ITGAD: variants seen among roughly 807,000 people sequenced by gnomAD.
The protein encoded by ITGAD is integrin subunit alpha D, also known as integrin alpha-D.
Under a neutral mutation model 139.0 loss-of-function variants are expected in ITGAD, and 105 were observed. The ratio of observed to expected loss-of-function variants is 0.76; its 90% CI spans 0.65 to 0.89. The LOEUF is 0.89. ITGAD is among the 40% of genes least tolerant of loss of function. The pLI is 0.00. For missense variants in ITGAD, 1,384 were observed against 1,487.3 expected (o/e 0.93, Z 1.14); for synonymous variants, 569 against 598.3 (o/e 0.95, Z 0.71).
At chr16:31,414,813 G>A (rs1288181373) in intron 17 of ITGAD, 47 bp from the exon 18 acceptor site, 2 of 1,601,616 alleles carry the variant, frequency 1.2e-6, no homozygotes, top group South Asian at 2.2e-5. Context: ...GACTTGTGGT[G>A]GAGCGTAGAG....
intron 11 of ITGAD, 85 bp from the exon 12 acceptor site, chr16:31,410,651 A>T (rs2081669078): frequency 2.7e-6 from 2 of 742,380 alleles, no homozygotes; most frequent in East Asian, 8.7e-5. Context: ...GGGAGGGGAG[A>T]TGGGGGCTGC....
At chr16:31,400,806 A>G (rs2081384997) in intron 5 of ITGAD, among the ~76,000 whole-genome samples, 1 of 152,102 alleles carries the variant, frequency 6.6e-6, no homozygotes, top group African/African-American at 2.4e-5. Flanking sequence ...GGGTTTCACC[A>G]TGTTGGCCAG....
Position 31,423,114 on chromosome 16 carries a change from G to C in ITGAD, c.2781G>C (p.Arg927Ser). ...TTTCACCCACAGGCTCTCTCTCCAG[G>C]CAGGAAGAATCCACCAAGTACTTCA... Reference protein sequence around the residue: ...VKYAVYTMISRQEESTKYFNF... With the variant: ...VKYAVYTMISSQEESTKYFNF... The change falls in exon 24 of 30, where the codon AGG becomes AGC. Residue 927 changes from arginine to serine, a missense_variant and splice_region_variant. By Grantham distance (110) the Arg-to-Ser change is moderately radical. Coordinates refer to ENST00000389202, the MANE Select transcript of ITGAD (RefSeq NM_005353.3). 6.2e-7 allele frequency: 1 copy of C among 1,613,908 alleles called. No homozygotes were observed. The highest frequency in any genetic ancestry group is 8.5e-7 in the Non-Finnish European group (1 of 1,179,756).
In ITGAD at chr16:31,423,206, G is replaced by C; in HGVS notation, c.2859+14G>C. The C allele has an allele frequency of 1.9e-6, 3 of 1,610,802 alleles. No individual in the cohort carries two copies. Among genetic ancestry groups the C allele is most frequent in the Non-Finnish European group, 2.5e-6 (3 of 1,176,886 alleles). On this transcript the variant is annotated intron_variant, in intron 24 of 29. Coordinates refer to ENST00000389202, the MANE Select transcript of ITGAD (RefSeq NM_005353.3). ...CATCGATACCGTGTGAGAGTCTAGGGAGTATCCATGTCTGCCTTCCACGTT... is the reference window on the plus strand; with the variant it reads ...CATCGATACCGTGTGAGAGTCTAGGCAGTATCCATGTCTGCCTTCCACGTT...
chr16:31,407,824 C>A lies in ITGAD; in HGVS notation c.917C>A (p.Ala306Glu). 1 of 1,613,532 alleles carries A rather than the reference C, an allele frequency of 6.2e-7. No individual in the cohort carries two copies. Among genetic ancestry groups the A allele is most frequent in the East Asian group, 2.2e-5 (1 of 44,858 alleles). Residue 306 changes from alanine to glutamate, a missense_variant, in exon 9 of 30, where the codon GCG (alanine) becomes GAG (glutamate). Physicochemically the swap from Ala to Glu is moderately radical, Grantham distance 107. Transcript: ENST00000389202. The part of the protein sequence containing the change: ...ARQELNTISS[A>E]PPQDHVFKVD... ...CAGGAGCTGAATACCATCAGCTCAG[C>A]GCCTCCGCAGGACCACGTGTTCAAG...
intron 5 of ITGAD, among the ~76,000 whole-genome samples, chr16:31,398,397 AGCCTGG>A (rs2081324870): frequency 6.6e-6 from 1 of 150,962 alleles, no homozygotes; most frequent in Non-Finnish European, 1.5e-5. Context: ...ATTGCACTCC[AGCCTGG>A]GTGACAAGAG....
At position 31,413,243 on chromosome 16, in the gene ITGAD, C is replaced by T. The variant is rs375316528; in HGVS notation, c.1993C>T (p.Leu665=). ...CATCCAGAAAAGCTCACTGGACCAG[C>T]TAGGTGTGTTTCCCCCATAAAGGGG... ...LTIQKSSLDQ[L]GDIQSSVRFD... is the part of the protein sequence containing the mutation. The change falls in exon 16 of 30, where the codon CTA becomes TTA. Residue 665 remains leucine (L), a synonymous_variant. Coordinates refer to ENST00000389202, the MANE Select transcript of ITGAD (RefSeq NM_005353.3). 3.7e-6 allele frequency: 6 copies of T among 1,614,008 alleles called. No homozygotes were observed. The East Asian group carries it at 8.9e-5, about 24-fold the overall frequency.
At chr16:31,421,213 C>G (rs1036506094) in intron 23 of ITGAD, among the ~76,000 whole-genome samples, 1 of 152,184 alleles carries the variant, frequency 6.6e-6, no homozygotes, top group African/African-American at 2.4e-5. Context: ...AACCAGGAAT[C>G]AGACCCAGAC....
intron 2 of ITGAD, among the ~76,000 whole-genome samples, chr16:31,396,653 C>T (rs968762836): frequency 6.6e-6 from 1 of 152,208 alleles, no homozygotes; most frequent in Admixed American, 6.5e-5. Flanking sequence ...AGAAGGAACC[C>T]TCACATGGCC....
rs1390488919 is a variant in ITGAD at position 31,402,119 on chromosome 16, T to C, written c.432T>C (p.Cys144=). 6.2e-7 allele frequency: 1 copy of C among 1,613,712 alleles called. No homozygotes were observed. Among genetic ancestry groups the C allele is most frequent in the South Asian group, 1.1e-5 (1 of 91,070 alleles). ...IQTVPDATPE[C]PHQEMDIVFL... Reference sequence around the variant, plus strand: ...TTCCTCCCCATTCCCCCACAGAGTGTCCACATCAAGAGATGGACATCGTCT... The same window carrying C: ...TTCCTCCCCATTCCCCCACAGAGTGCCCACATCAAGAGATGGACATCGTCT... Residue 144 remains cysteine, a synonymous_variant, in exon 6 of 30, where the codon TGT becomes TGC. Coordinates refer to ENST00000389202, the MANE Select transcript of ITGAD (RefSeq NM_005353.3).
At chr16:31,421,844 TG>T (rs1389982769) in intron 23 of ITGAD, among the ~76,000 whole-genome samples, 5 of 152,040 alleles carry the variant, frequency 3.3e-5, no homozygotes, top group Non-Finnish European at 7.4e-5. Context: ...ATCAGGCTGA[TG>T]GGGGGTGGAC....
chr16:31,401,296 A>T (rs929001207), intron 5 of ITGAD, among the ~76,000 whole-genome samples: 1 of 152,156 alleles, frequency 6.6e-6, no homozygotes, highest in Non-Finnish European at 1.5e-5. Flanking sequence ...GGCCTCAGCC[A>T]ATGCCTGGGG....
At chr16:31,396,092 G>A (rs1001406208) in intron 2 of ITGAD, among the ~76,000 whole-genome samples, 2 of 152,264 alleles carry the variant, frequency 1.3e-5, no homozygotes, top group Non-Finnish European at 2.9e-5. Context: ...CAGGGCTGCC[G>A]TGGACCCCTT....
chr16:31,423,361 C>G lies in ITGAD; in HGVS notation c.2869C>G (p.Leu957Val). The change falls in exon 25 of 30, where the codon CTC (leucine) becomes GTC (valine). Residue 957 changes from leucine (L) to valine (V), a missense_variant. Coordinates refer to ENST00000389202, the MANE Select transcript of ITGAD (RefSeq NM_005353.3). ...EAEHRYRVNNLSQRDLAISIN... is the reference protein window; with the variant it reads ...EAEHRYRVNNVSQRDLAISIN... ...CCTTGATTTCCTGCAGGTGAATAAC[C>G]TCAGCCAGCGAGATCTGGCCATCAG... 1 of 1,613,996 alleles carries G rather than the reference C, an allele frequency of 6.2e-7. No individual in the cohort carries two copies. The highest frequency in any genetic ancestry group is 8.5e-7 in the Non-Finnish European group (1 of 1,179,888).
At position 31,407,533 on chromosome 16, in the gene ITGAD, T is replaced by G. The variant is rs760353660; in HGVS notation, c.723T>G (p.His241Gln). ...ILTVVTQLFHHKNGARKSAKK... is the reference protein window; with the variant it reads ...ILTVVTQLFHQKNGARKSAKK... ...CCGACAGGACACAGCTATTTCATCA[T>G]AAGAATGGGGCCCGAAAAAGTGCCA... Residue 241 changes from histidine to glutamine, a missense_variant, in exon 8 of 30, where the codon CAT becomes CAG. His to Gln is a conservative substitution (Grantham distance 24). Coordinates refer to ENST00000389202, the MANE Select transcript of ITGAD (RefSeq NM_005353.3). The G allele has an allele frequency of 6.3e-7, 1 of 1,597,984 alleles. No individual in the cohort carries two copies.
chr16:31,423,417 C>A lies in ITGAD; in HGVS notation c.2925C>A (p.Asn975Lys). The A allele has an allele frequency of 6.2e-7, 1 of 1,614,144 alleles. No homozygotes were observed. The highest frequency in any genetic ancestry group is 1.1e-5 in the South Asian group (1 of 91,070). The change falls in exon 25 of 30, where the codon AAC (asparagine) becomes AAA (lysine). Residue 975 changes from asparagine (N) to lysine (K), a missense_variant. By Grantham distance (94) the Asn-to-Lys change is moderately conservative. Transcript: ENST00000389202. ...ACTTCTGGGTTCCTGTCCTGCTGAACGGGGTGGCTGTGTGGGATGTGGTCA... is the reference window on the plus strand; with the variant it reads ...ACTTCTGGGTTCCTGTCCTGCTGAAAGGGGTGGCTGTGTGGGATGTGGTCA... ...SINFWVPVLLNGVAVWDVVME... is the reference protein window; with the variant it reads ...SINFWVPVLLKGVAVWDVVME...
chr16:31,394,502 C>T (rs1046370044), intron 2 of ITGAD, among the ~76,000 whole-genome samples, 161 bp downstream of exon 2: 4 of 152,126 alleles, frequency 2.6e-5, no homozygotes, highest in African/African-American at 9.7e-5. Flanking sequence ...CTATTATTCT[C>T]AATCCCAGGA....
chr16:31,397,253 C>A, intron 2 of ITGAD, 106 bp from the exon 3 acceptor site: 1 of 733,932 alleles, frequency 1.4e-6, no homozygotes, highest in South Asian at 1.7e-5. Flanking sequence ...GGAATTTCCC[C>A]CACAGAGTCT....
intron 2 of ITGAD, among the ~76,000 whole-genome samples, chr16:31,396,403 G>A (rs1055477110): frequency 3.9e-5 from 6 of 152,210 alleles, no homozygotes; most frequent in Admixed American, 6.5e-5. Context: ...AACCTGGGAG[G>A]TGGAGGTTGC....
Sources: allele counts gnomAD v4.1 joint callset (sites outside exome capture counted in the v4.1 genomes callset), GRCh38; gene constraint gnomAD v4.1.1; transcripts MANE v1.5; gene names NCBI Gene and HGNC (gene_info 2026-07-23, HGNC 2026-07-21).